ADRA1B: variants seen among roughly 807,000 people sequenced by gnomAD.
ADRA1B encodes alpha-1B adrenergic receptor.
Under a neutral mutation model 17.9 loss-of-function variants are expected in ADRA1B, and 17 were observed. That is an observed-to-expected ratio of 0.95 (90% CI 0.65 to 1.42). The LOEUF is 1.42. ADRA1B is among the 40% of genes most tolerant of loss of function. The probability of loss-of-function intolerance (pLI) is 0.00; values close to 1 mark genes in which losing one functional copy is unlikely to be tolerated. For missense variants in ADRA1B, 681 were observed against 722.1 expected (o/e 0.94, Z 0.65); for synonymous variants, 366 against 327.6 (o/e 1.12, Z -1.27).
At chr5:159,976,353 C>G (rs996919556), downstream of ADRA1B, among the ~76,000 whole-genome samples, 1 of 151,986 alleles carries the variant, frequency 6.6e-6, no homozygotes, top group Non-Finnish European at 1.5e-5. Context: ...AAATTTATCA[C>G]GGAGTAAAAG....
chr5:159,972,311 C>G lies in ADRA1B; in HGVS notation c.1382C>G (p.Pro461Arg). 7.0e-7 allele frequency: 1 copy of G among 1,430,660 alleles called. No individual in the cohort carries two copies. The allele number at this position is 1,430,660 out of a possible 1,614,324, so 88.6% of individuals were successfully genotyped here. ...CTCCTGAGCCTGCCCGCGCCTGAGC[C>G]CCCCGGCCGCCGCGGCCGCCACGAC... ...GALLSLPAPEPPGRRGRHDSG... is the reference protein window; with the variant it reads ...GALLSLPAPERPGRRGRHDSG... The change falls in exon 2 of 2, where the codon CCC becomes CGC. Residue 461 changes from proline (P) to arginine (R), a missense_variant. Around this residue, in one of 3 missense-constraint regions of ADRA1B, gnomAD observed 251 missense variants for 224.9 expected, o/e 1.12. Transcript: ENST00000306675.
chr5:159,890,625 C>T (rs539451002), intron 1 of ADRA1B, among the ~76,000 whole-genome samples: 51 of 152,298 alleles, frequency 3.3e-4, no homozygotes, highest in African/African-American at 1.2e-3. Context: ...GGGCCTAGCA[C>T]GGACCATCAA....
At position 159,972,353 on chromosome 5, in the gene ADRA1B, C is replaced by G; in HGVS notation, c.1424C>G (p.Thr475Ser). The G allele has an allele frequency of 6.7e-7, 1 of 1,503,734 alleles. No individual in the cohort carries two copies. Among genetic ancestry groups the G allele is most frequent in the African/African-American group, 1.4e-5 (1 of 69,768 alleles). The allele number at this position is 1,503,734 out of a possible 1,614,324, so 93.1% of individuals were successfully genotyped here. A position where few individuals can be genotyped will look rare whatever the true frequency, so the allele number is the denominator to read the frequency against. Residue 475 changes from threonine to serine, a missense_variant, in exon 2 of 2, where the codon ACC becomes AGC. Transcript: ENST00000306675. ...RGRHDSGPLF[T>S]FKLLTEPESP... is the part of the protein sequence containing the mutation. ...CGCCACGACTCGGGCCCGCTCTTCA[C>G]CTTCAAGCTCCTGACCGAGCCCGAG...
At chr5:159,939,275 G>GAGAGAGAGA (rs1329251436) in intron 1 of ADRA1B, among the ~76,000 whole-genome samples, 2 of 69,804 alleles carry the variant, frequency 2.9e-5, no homozygotes. Context: ...GAGAGAGAGA[G>GAGAGAGAGA]AGAGTGTGTG....
At chr5:159,978,275 C>T in the ADRA1B span, among the ~76,000 whole-genome samples, 1 of 152,084 alleles carries the variant, frequency 6.6e-6, no homozygotes, top group Non-Finnish European at 1.5e-5. Flanking sequence ...TGTGTACTAC[C>T]CTGCCATGAC....
intron 1 of ADRA1B, among the ~76,000 whole-genome samples, chr5:159,908,574 G>T (rs1264744703): frequency 6.6e-6 from 1 of 152,112 alleles, no homozygotes; most frequent in Non-Finnish European, 1.5e-5. Flanking sequence ...GAAGTAGCCT[G>T]AGTCCCTCAC....
At chr5:159,902,986 C>T (rs1439183212) in intron 1 of ADRA1B, among the ~76,000 whole-genome samples, 5 of 152,194 alleles carry the variant, frequency 3.3e-5, no homozygotes, top group Non-Finnish European at 5.9e-5. Flanking sequence ...TGCTTGGGAG[C>T]AGCAGGCCCA....
chr5:159,950,729 T>A, intron 1 of ADRA1B: 2 of 663,504 alleles, frequency 3.0e-6, no homozygotes, highest in Non-Finnish European at 5.6e-6. Context: ...ACCTTCTTAA[T>A]GTCATCATAT....
chr5:159,934,863 G>GGCTCTGCT (rs1341894988), intron 1 of ADRA1B, among the ~76,000 whole-genome samples: 4 of 151,410 alleles, frequency 2.6e-5, no homozygotes, highest in Non-Finnish European at 5.9e-5. Flanking sequence ...ATATCTGTCT[G>GGCTCTGCT]GCTCTGCTGC....
intron 1 of ADRA1B, among the ~76,000 whole-genome samples, chr5:159,872,522 G>T (rs1449179290): frequency 6.6e-6 from 1 of 152,186 alleles, no homozygotes; most frequent in Non-Finnish European, 1.5e-5. Flanking sequence ...AAGGGACATG[G>T]AGCTCAGAGA....
At chr5:159,974,493 G>A (rs1293161992), downstream of ADRA1B, among the ~76,000 whole-genome samples, 1 of 152,056 alleles carries the variant, frequency 6.6e-6, no homozygotes, top group Non-Finnish European at 1.5e-5. Flanking sequence ...AAAATTAGCT[G>A]GGTGTGATGG....
intron 1 of ADRA1B, among the ~76,000 whole-genome samples, chr5:159,953,619 T>C (rs1755493374): frequency 6.6e-6 from 1 of 152,148 alleles, no homozygotes; most frequent in South Asian, 2.1e-4. Context: ...CTTGAGCAAA[T>C]TCCTTAATCA....
chr5:159,958,030 T>C (rs1373037096), intron 1 of ADRA1B, among the ~76,000 whole-genome samples: 1 of 152,038 alleles, frequency 6.6e-6, no homozygotes, highest in Non-Finnish European at 1.5e-5. Flanking sequence ...CAATTCTTCT[T>C]TTGTTTTTGA....
chr5:159,963,307 T>C (rs976466819), intron 1 of ADRA1B, among the ~76,000 whole-genome samples: 10 of 150,628 alleles, frequency 6.6e-5, no homozygotes, highest in African/African-American at 2.0e-4. Flanking sequence ...TATATATATA[T>C]ATCCACACAC....
the ADRA1B span, among the ~76,000 whole-genome samples, chr5:159,982,844 A>G: frequency 6.6e-6 from 1 of 152,192 alleles, no homozygotes; most frequent in Non-Finnish European, 1.5e-5. Context: ...AATCCAGGGA[A>G]AGGATGGGTG....
intron 1 of ADRA1B, among the ~76,000 whole-genome samples, chr5:159,969,294 G>A (rs1484519874): frequency 6.6e-6 from 1 of 152,096 alleles, no homozygotes; most frequent in Non-Finnish European, 1.5e-5. Flanking sequence ...CCTGCACCAG[G>A]AGCCCAGCCA....
rs1755904540 is a variant in ADRA1B, at chr5:159,972,621, G to A, written c.*129G>A. ...CGCCCCAAGGGGAACCGGGGGGAGGGCCGGGGAGAGGGGCAGCTGCTTTTC... is the reference window on the plus strand; with the variant it reads ...CGCCCCAAGGGGAACCGGGGGGAGGACCGGGGAGAGGGGCAGCTGCTTTTC... On this transcript the variant is annotated 3_prime_UTR_variant, in exon 2 of 2. Transcript: ENST00000306675. 4 of 878,990 alleles carry A rather than the reference G, an allele frequency of 4.6e-6. No homozygotes were observed. Among genetic ancestry groups the A allele is most frequent in the Non-Finnish European group, 6.2e-6 (4 of 646,256 alleles). 54.4% of individuals were successfully genotyped at this position (878,990 alleles called of 1,614,324 possible).
chr5:159,894,067 G>A (rs1206786984), intron 1 of ADRA1B, among the ~76,000 whole-genome samples: 1 of 152,154 alleles, frequency 6.6e-6, no homozygotes, highest in African/African-American at 2.4e-5. Context: ...ACCTGGCAAG[G>A]GGCCAGGTGG....
At chr5:159,982,946 G>A in the ADRA1B span, among the ~76,000 whole-genome samples, 3 of 152,172 alleles carry the variant, frequency 2.0e-5, no homozygotes, top group South Asian at 6.2e-4. Context: ...CAGTTACTAA[G>A]ATGCTCTGAA....
Sources: gnomAD v4.1 joint callset for allele counts (sites outside exome capture counted in the v4.1 genomes callset) on GRCh38, gnomAD v4.1.1 for gene constraint, gnomAD v4.1.1 regional missense constraint, MANE v1.5 for transcripts, NCBI Gene and HGNC (gene_info 2026-07-23, HGNC 2026-07-21) for gene names.